The following ANAPC7 variants were observed in gnomAD, a reference collection of about 807,000 sequenced individuals.
ANAPC7 encodes anaphase promoting complex subunit 7.
A neutral mutation model predicts 63.3 loss-of-function variants in ANAPC7; 25 were observed. The observed-to-expected ratio is 0.39, with a 90% confidence interval of 0.29 to 0.55. ANAPC7 has a LOEUF of 0.55. ANAPC7 is among the 20% of genes least tolerant of loss of function. The pLI, the probability that ANAPC7 is intolerant of heterozygous loss-of-function variation, is 0.57. For missense variants in ANAPC7, 516 were observed against 691.7 expected (o/e 0.75, Z 2.85); for synonymous variants, 241 against 251.7 (o/e 0.96, Z 0.40).
chr12:110,382,455 AAAAAAAATATATATATATATAT>A (rs1206146463), intron 7 of ANAPC7, among the ~76,000 whole-genome samples: 9 of 70,492 alleles, frequency 1.3e-4, no homozygotes, highest in African/African-American at 1.2e-4. Flanking sequence ...AAAAAAAAAA[AAAAAAAATATATATATATATAT>A]ATATATATAT....
chr12:110,382,496 T>TATATATATATATA (rs1566264542), intron 7 of ANAPC7, among the ~76,000 whole-genome samples: 9 of 80,040 alleles, frequency 1.1e-4, no homozygotes, highest in African/African-American at 4.3e-4. Flanking sequence ...ATATATATAT[T>TATATATATATATA]TATAGAGACA....
chr12:110,395,446 T>C (rs1883489894), intron 2 of ANAPC7, among the ~76,000 whole-genome samples: 1 of 152,014 alleles, frequency 6.6e-6, no homozygotes, highest in Non-Finnish European at 1.5e-5. Flanking sequence ...TTCTGAGTAC[T>C]ACAGGTATGT....
intron 5 of ANAPC7, chr12:110,387,519 G>A: frequency 4.5e-6 from 2 of 439,806 alleles, no homozygotes; most frequent in Non-Finnish European, 8.0e-6. Context: ...TGCAGGCACA[G>A]AGCTAAACTC....
chr12:110,393,867 C>CAAA (rs771757058), intron 3 of ANAPC7, among the ~76,000 whole-genome samples: 88 of 37,284 alleles, frequency 2.4e-3, no homozygotes, highest in African/African-American at 7.1e-3. Context: ...AACTCCCTCT[C>CAAA]AAAAAAAAAA....
In ANAPC7 at chr12:110,375,080, T is replaced by C. The variant is rs146284266; in HGVS notation, c.1509-747A>G. Among the ~76,000 whole-genome samples the C allele has an allele frequency of 2.2e-4, 34 of 152,344 alleles. No individual in the cohort carries two copies. In the East Asian group the frequency reaches 4.4e-3, roughly 20 times the overall value. On this transcript the variant is annotated intron_variant, in intron 10 of 10. Coordinates refer to ENST00000455511, the MANE Select transcript of ANAPC7 (RefSeq NM_016238.3). ...GATATTTTATTTTCTCACTTGCTTC[T>C]GAGATTCTAAAAAGCAGCTAAAACC... is the stretch of plus-strand genomic sequence containing the variant.
intron 7 of ANAPC7, among the ~76,000 whole-genome samples, chr12:110,382,451 A>ATATATAT (rs1470435018): frequency 4.6e-4 from 32 of 69,566 alleles, no homozygotes; most frequent in African/African-American, 1.0e-3. Context: ...TAAAAAAAAA[A>ATATATAT]AAAAAAAAAA....
At chr12:110,375,807 G>A (rs1881214587) in intron 10 of ANAPC7, 2 of 1,146,732 alleles carry the variant, frequency 1.7e-6, no homozygotes, top group Non-Finnish European at 2.1e-6. Context: ...GACAGAAGAT[G>A]AGCTATACAA....
At chr12:110,402,048 G>A (rs1244383878) in intron 1 of ANAPC7, among the ~76,000 whole-genome samples, 1 of 151,128 alleles carries the variant, frequency 6.6e-6, no homozygotes, top group Non-Finnish European at 1.5e-5. Context: ...TGTGGCGCTC[G>A]CCTGTAATCC....
In ANAPC7 at chr12:110,374,010, C is replaced by T. The variant is rs944383629; in HGVS notation, c.*134G>A. The T allele has an allele frequency of 3.1e-5, 31 of 1,016,332 alleles. No individual in the cohort carries two copies. Among genetic ancestry groups the T allele is most frequent in the Admixed American group, 7.9e-5 (3 of 38,172 alleles). The allele number at this position is 1,016,332 out of a possible 1,614,324, so 63.0% of individuals were successfully genotyped here. The stretch of plus-strand genomic sequence containing the variant: ...TGAAGTCACGACTAGGAATTGGGAG[C>T]GAGGGGGCAGAGACCCCTGCTGCAA... On this transcript the variant is annotated 3_prime_UTR_variant, in exon 11 of 11. Coordinates refer to ENST00000455511, the MANE Select transcript of ANAPC7 (RefSeq NM_016238.3).
intron 10 of ANAPC7, chr12:110,375,736 A>G: frequency 1.0e-6 from 1 of 988,052 alleles, no homozygotes; most frequent in Non-Finnish European, 1.2e-6. Context: ...TTGATTTGAA[A>G]AAGAAGAATA....
chr12:110,388,541 T>C lies in ANAPC7; in HGVS notation c.491A>G (p.Gln164Arg), dbSNP rs1882814516. 3 of 1,614,168 alleles carry C rather than the reference T, an allele frequency of 1.9e-6. No homozygotes were observed. The highest frequency in any genetic ancestry group is 2.5e-6 in the Non-Finnish European group (3 of 1,180,010). The change falls in exon 4 of 11, where the codon CAG (glutamine) becomes CGG (arginine). Residue 164 changes from glutamine to arginine, a missense_variant. Coordinates refer to ENST00000455511, the MANE Select transcript of ANAPC7 (RefSeq NM_016238.3). ...SVTSYKEVLR[Q>R]CPLALDAILG... Reference sequence around the variant, plus strand: ...AATGGCATCAAGGGCTAATGGGCACTGCCTCAGCACCTCCTTATAGCTGGT... The same window carrying C: ...AATGGCATCAAGGGCTAATGGGCACCGCCTCAGCACCTCCTTATAGCTGGT...
intron 3 of ANAPC7, among the ~76,000 whole-genome samples, chr12:110,392,136 A>ATACCT (rs567369110): frequency 1.8e-4 from 28 of 151,500 alleles, no homozygotes; most frequent in Non-Finnish European, 2.9e-4. Context: ...CAAAAGGAAG[A>ATACCT]TACCTTGAGC....
At chr12:110,390,502 G>C (rs1174865410) in intron 3 of ANAPC7, among the ~76,000 whole-genome samples, 1 of 152,224 alleles carries the variant, frequency 6.6e-6, no homozygotes, top group Non-Finnish European at 1.5e-5. Flanking sequence ...TGGTATGCCA[G>C]ATATTTATAG....
rs113838372 is a variant in ANAPC7, at chr12:110,383,465, G to A, written c.818-505C>T. Among the ~76,000 whole-genome samples the A allele has an allele frequency of 2.6e-3, 396 of 151,410 alleles. 2 individuals are homozygous for A. The highest frequency in any genetic ancestry group is 9.1e-3 in the African/African-American group (377 of 41,250). On this transcript the variant is annotated intron_variant, in intron 6 of 10. Transcript: ENST00000455511. ...AAGAAAATGCAAAACCCAGCTGGGC[G>A]TGGTGGCTCACACCTGTAATCCTGG...
intron 3 of ANAPC7, among the ~76,000 whole-genome samples, chr12:110,391,236 C>T (rs1025040775): frequency 6.6e-6 from 1 of 152,074 alleles, no homozygotes; most frequent in South Asian, 2.1e-4. Context: ...TAGATACTCA[C>T]TTAAAAACAT....
At chr12:110,382,591 G>C (rs1432612831) in intron 7 of ANAPC7, among the ~76,000 whole-genome samples, 1 of 148,634 alleles carries the variant, frequency 6.7e-6, no homozygotes, top group Non-Finnish European at 1.5e-5. Context: ...TTATTTTTGA[G>C]ACAAAATCTC....
At chr12:110,389,767 T>A (rs1355753101) in intron 3 of ANAPC7, among the ~76,000 whole-genome samples, 1 of 151,614 alleles carries the variant, frequency 6.6e-6, no homozygotes, top group East Asian at 2.0e-4. Flanking sequence ...CCGTCTCTAC[T>A]AAAAAATACA....
At chr12:110,386,696 T>C in intron 5 of ANAPC7, 1 of 452,328 alleles carries the variant, frequency 2.2e-6, no homozygotes. Context: ...AACTCTGTGG[T>C]TGCAGTTCTT....
intron 1 of ANAPC7, among the ~76,000 whole-genome samples, chr12:110,400,911 G>C (rs570224007): frequency 6.6e-6 from 1 of 151,828 alleles, no homozygotes; most frequent in African/African-American, 2.4e-5. Flanking sequence ...TTAGCTGGGC[G>C]TGGTGGTGCG....
Sources: allele counts gnomAD v4.1 joint callset (sites outside exome capture counted in the v4.1 genomes callset), GRCh38; gene constraint gnomAD v4.1.1; transcripts MANE v1.5; gene names NCBI Gene and HGNC (gene_info 2026-07-23, HGNC 2026-07-21).